The following ZFHX3 variants were observed in gnomAD, a reference collection of about 807,000 sequenced individuals.
ZFHX3 encodes zinc finger homeobox 3.
Under a neutral mutation model 279.1 loss-of-function variants are expected in ZFHX3, and 42 were observed. The ratio of observed to expected loss-of-function variants is 0.15; its 90% confidence interval spans 0.12 to 0.19. The LOEUF (loss-of-function observed/expected upper bound fraction) is 0.19. ZFHX3 is among the 10% of genes least tolerant of loss of function. ZFHX3 has a pLI of 1.00. For synonymous variants in ZFHX3, 2,293 were observed against 1,957.8 expected (o/e 1.17, Z -4.52); for missense variants, 4,981 against 4,754.0 (o/e 1.05, Z -1.40).
intron 3 of ZFHX3, chr16:73,420,629 G>T (rs1032416024): frequency 6.6e-6 from 1 of 152,174 alleles, no homozygotes; most frequent in African/African-American, 2.4e-5. Context: ...TCAAACTACG[G>T]TTCATTTGTT....
At chr16:73,398,751 T>A (rs2017182683) in intron 3 of ZFHX3, among the ~76,000 whole-genome samples, 1 of 152,254 alleles carries the variant, frequency 6.6e-6, no homozygotes, top group Non-Finnish European at 1.5e-5. Flanking sequence ...ACATCATTTG[T>A]AGTAGATGAT....
chr16:72,988,424 C>T (rs1344475301), intron 1 of ZFHX3, among the ~76,000 whole-genome samples: 1 of 152,204 alleles, frequency 6.6e-6, no homozygotes, highest in African/African-American at 2.4e-5. Context: ...GAAGCTGTGG[C>T]CATCGAGGGG....
At chr16:73,796,537 T>A (rs1285412631) in intron 1 of ZFHX3, 1 of 152,138 alleles carries the variant, frequency 6.6e-6, no homozygotes, top group Non-Finnish European at 1.5e-5. Flanking sequence ...CCTGGCAGGA[T>A]CTAGAAGTCA....
intron 1 of ZFHX3, among the ~76,000 whole-genome samples, chr16:73,037,377 C>A (rs1365324850): frequency 6.6e-6 from 1 of 152,132 alleles, no homozygotes; most frequent in Non-Finnish European, 1.5e-5. Flanking sequence ...CACTGAGTGA[C>A]ATAAGATCCC....
At chr16:73,590,201 T>A (rs576118318) in intron 2 of ZFHX3, among the ~76,000 whole-genome samples, 2 of 152,198 alleles carry the variant, frequency 1.3e-5, no homozygotes, top group African/African-American at 4.8e-5. Context: ...GAACTCATGA[T>A]ATAAAGAAAA....
intron 2 of ZFHX3, among the ~76,000 whole-genome samples, chr16:73,679,280 G>A (rs992403776): frequency 1.3e-5 from 2 of 151,902 alleles, no homozygotes; most frequent in Admixed American, 6.6e-5. Flanking sequence ...TAACAATGTC[G>A]CCATTTTCAA....
chr16:73,021,751 A>C (rs949173975), intron 1 of ZFHX3, among the ~76,000 whole-genome samples: 4 of 150,096 alleles, frequency 2.7e-5, no homozygotes, highest in African/African-American at 7.4e-5. Context: ...GAATCACTTG[A>C]ACCTGGGAGG....
chr16:73,130,028 C>T (rs148909609), intron 7 of ZFHX3, among the ~76,000 whole-genome samples: 1 of 152,100 alleles, frequency 6.6e-6, no homozygotes, highest in Non-Finnish European at 1.5e-5. Flanking sequence ...AATGCAGAGG[C>T]GAAAGCTCTC....
At chr16:73,471,539 G>T (rs1597348162) in intron 2 of ZFHX3, among the ~76,000 whole-genome samples, 1 of 152,192 alleles carries the variant, frequency 6.6e-6, no homozygotes, top group African/African-American at 2.4e-5. Flanking sequence ...CTCCCAAGTA[G>T]TTGGGATTAC....
intron 1 of ZFHX3, among the ~76,000 whole-genome samples, chr16:73,802,027 T>C (rs1259932968): frequency 6.6e-6 from 1 of 152,186 alleles, no homozygotes; most frequent in Non-Finnish European, 1.5e-5. Flanking sequence ...AAGTCATCCT[T>C]GTTTATGAAG....
At chr16:73,291,806 A>G (rs1213701600) in intron 4 of ZFHX3, among the ~76,000 whole-genome samples, 1 of 152,200 alleles carries the variant, frequency 6.6e-6, no homozygotes, top group Non-Finnish European at 1.5e-5. Flanking sequence ...TGAGAGATCT[A>G]TATAAACTGC....
At chr16:73,102,227 C>T (rs1229761623) in intron 7 of ZFHX3, among the ~76,000 whole-genome samples, 2 of 152,112 alleles carry the variant, frequency 1.3e-5, no homozygotes, top group Non-Finnish European at 2.9e-5. Context: ...TCCATCCTCA[C>T]GATTGCTCTT....
chr16:73,450,964 A>T (rs775797376), intron 3 of ZFHX3, among the ~76,000 whole-genome samples: 1 of 152,240 alleles, frequency 6.6e-6, no homozygotes, highest in Non-Finnish European at 1.5e-5. Context: ...GAGGGAACAA[A>T]GCAAAGCAAA....
Position 72,811,743 on chromosome 16 carries a change from G to A in ZFHX3, c.3698C>T (p.Ala1233Val). The change falls in exon 7 of 10, where the codon GCC (alanine) becomes GTC (valine). Residue 1233 changes from alanine (A) to valine (V), a missense_variant. By Grantham distance (64) the Ala-to-Val change is moderately conservative (BLOSUM62 0). This residue lies in a region of ZFHX3 where 1,751 missense variants were observed against 1,770.0 expected (regional missense o/e 0.99). Coordinates refer to ENST00000268489, the MANE Select transcript of ZFHX3 (RefSeq NM_006885.4). ...ATGCACCCGGAGCCGGTTGACATCG[G>A]CATTACTGTACTTGCAGTAGGGACA... is the stretch of plus-strand genomic sequence containing the variant. ...YQCPYCKYSN[A>V]DVNRLRVHAM... 2 of 1,614,034 alleles carry A rather than the reference G, an allele frequency of 1.2e-6. No individual in the cohort carries two copies. The highest frequency in any genetic ancestry group is 1.7e-6 in the Non-Finnish European group (2 of 1,179,994).
intron 2 of ZFHX3, among the ~76,000 whole-genome samples, chr16:73,524,341 C>A (rs2019656739): frequency 6.6e-6 from 1 of 152,198 alleles, no homozygotes. Context: ...AAGTCCAACC[C>A]CTTCATTGAA....
chr16:73,856,459 C>G (rs1437310781), intron 1 of ZFHX3, among the ~76,000 whole-genome samples: 1 of 152,150 alleles, frequency 6.6e-6, no homozygotes, highest in Non-Finnish European at 1.5e-5. Context: ...AAAATTCTTT[C>G]TTAGAGGATT....
chr16:72,802,401 A>G (rs1184544842), intron 7 of ZFHX3, among the ~76,000 whole-genome samples: 1 of 152,176 alleles, frequency 6.6e-6, no homozygotes, highest in Non-Finnish European at 1.5e-5. Flanking sequence ...CCTTCCATCA[A>G]TTAACTCTCC....
intron 5 of ZFHX3, among the ~76,000 whole-genome samples, chr16:72,817,630 G>T (rs1405522883): frequency 6.6e-6 from 1 of 152,152 alleles, no homozygotes; most frequent in Non-Finnish European, 1.5e-5. Context: ...TCTCCCTCTG[G>T]CCAGAGGCCT....
chr16:73,167,904 T>C (rs1206842683), intron 5 of ZFHX3, among the ~76,000 whole-genome samples: 1 of 152,230 alleles, frequency 6.6e-6, no homozygotes, highest in Non-Finnish European at 1.5e-5. Flanking sequence ...ATGTAGAGAT[T>C]TCCAACCCTA....
Sources: gnomAD v4.1 joint callset for allele counts (sites outside exome capture counted in the v4.1 genomes callset) on GRCh38, gnomAD v4.1.1 for gene constraint, gnomAD v4.1.1 regional missense constraint, MANE v1.5 for transcripts, NCBI Gene and HGNC (gene_info 2026-07-23, HGNC 2026-07-21) for gene names.